The following SLC2A14 variants were observed in gnomAD, a reference collection of about 807,000 sequenced individuals.
SLC2A14 encodes the protein solute carrier family 2 member 14, also known as solute carrier family 2, facilitated glucose transporter member 14.
SLC2A14 carries 13 observed loss-of-function variants against 43.0 expected under a neutral mutation model. That is an observed-to-expected ratio of 0.30 (90% confidence interval 0.20 to 0.48). The LOEUF (loss-of-function observed/expected upper bound fraction) is 0.48, where lower values mean the gene tolerates loss of function less well. SLC2A14 is among the 20% of genes least tolerant of loss of function. The pLI, the probability that SLC2A14 is intolerant of heterozygous loss-of-function variation, is 0.99. For missense variants in SLC2A14, 428 were observed against 620.4 expected, an observed-to-expected ratio of 0.69 and a Z score of 3.29; for synonymous variants, 190 against 233.8, an observed-to-expected ratio of 0.81 and a Z score of 1.71.
At chr12:7,819,285 T>C (rs905494710) in intron 9 of SLC2A14, among the ~76,000 whole-genome samples, 197 bp downstream of exon 9, 2 of 152,180 alleles carry the variant, frequency 1.3e-5, no homozygotes, top group African/African-American at 4.8e-5. Flanking sequence ...AATAATGTTC[T>C]CTAAATGTAA....
rs761475312 is a variant in SLC2A14, at chr12:7,891,031, G to A, written c.97C>T (p.Leu33=). ...ACGCCCCCATTCTGACTCTTCTCCA[G>A]AGTGGAGGTCTGAGAAGAAAAAAAG... Residue 33 remains leucine, a synonymous_variant, in exon 1 of 10, where the codon CTG becomes TTG. Coordinates refer to the SLC2A14 transcript ENST00000539924. 41 of 1,535,112 alleles carry A rather than the reference G, an allele frequency of 2.7e-5. No homozygotes were observed. In the South Asian group the frequency reaches 4.0e-4, roughly 15 times the overall value.
intron 6 of SLC2A14, 101 bp downstream of exon 6, chr12:7,828,603 C>A (rs756384811): frequency 1.6e-6 from 2 of 1,243,436 alleles, no homozygotes; most frequent in Non-Finnish European, 2.3e-6. Context: ...TGGATTCTGA[C>A]GGGCAGGGAA....
intron 1 of SLC2A14, among the ~76,000 whole-genome samples, chr12:7,880,177 T>G (rs1442639235): frequency 1.3e-5 from 2 of 151,720 alleles, no homozygotes; most frequent in African/African-American, 4.8e-5. Flanking sequence ...GGAGCGTGCC[T>G]GTAATCCCAG....
chr12:7,858,859 T>C (rs1044191072), intron 2 of SLC2A14, among the ~76,000 whole-genome samples: 7 of 152,162 alleles, frequency 4.6e-5, no homozygotes, highest in Non-Finnish European at 8.8e-5. Context: ...CATGCTTTTG[T>C]TGTCATAGCT....
intron 2 of SLC2A14, among the ~76,000 whole-genome samples, chr12:7,865,603 C>G (rs1944865551): frequency 6.6e-6 from 1 of 151,962 alleles, no homozygotes; most frequent in South Asian, 2.1e-4. Flanking sequence ...TGTATGCATT[C>G]TGACTGCTCC....
At chr12:7,886,494 G>A (rs989820757) in intron 1 of SLC2A14, among the ~76,000 whole-genome samples, 2 of 151,790 alleles carry the variant, frequency 1.3e-5, no homozygotes, top group African/African-American at 4.8e-5. Flanking sequence ...GTGAAGTACT[G>A]CAGCTAGCTA....
intron 8 of SLC2A14, 140 bp downstream of exon 8, chr12:7,821,081 T>G (rs925442026): frequency 1.7e-6 from 1 of 584,310 alleles, no homozygotes; most frequent in African/African-American, 1.9e-5. Flanking sequence ...AGCAAGACTC[T>G]GTCTCAAAAA....
chr12:7,827,744 T>G (rs928500264), intron 6 of SLC2A14, 62 bp from the exon 7 acceptor site: 69 of 1,455,686 alleles, frequency 4.7e-5, no homozygotes, highest in Non-Finnish European at 6.1e-5. Flanking sequence ...TCATTCTTCC[T>G]GTAAGGCAGC....
intron 1 of SLC2A14, chr12:7,890,944 T>G (rs1161552811): frequency 2.7e-6 from 4 of 1,498,626 alleles, no homozygotes; most frequent in Non-Finnish European, 3.6e-6. Context: ...AAAGAAATCA[T>G]CCTCGACATG....
chr12:7,854,294 T>C (rs1240822488), intron 2 of SLC2A14, among the ~76,000 whole-genome samples: 1 of 152,070 alleles, frequency 6.6e-6, no homozygotes, highest in Non-Finnish European at 1.5e-5. Flanking sequence ...TCAGGATTTT[T>C]CTCTTTCCCA....
intron 9 of SLC2A14, 29 bp from the exon 10 acceptor site, chr12:7,818,063 A>C: frequency 2.5e-6 from 4 of 1,601,072 alleles, no homozygotes; most frequent in Non-Finnish European, 3.4e-6. Flanking sequence ...CAGAAGATTA[A>C]ATTTAAAGAC....
intron 7 of SLC2A14, among the ~76,000 whole-genome samples, chr12:7,826,884 TCTTTC>T (rs1565508006): frequency 4.3e-5 from 3 of 69,212 alleles, no homozygotes; most frequent in African/African-American, 7.4e-5. Context: ...TTTCTTTCTT[TCTTTC>T]TTTCTTTCTT....
intron 2 of SLC2A14, among the ~76,000 whole-genome samples, chr12:7,867,543 A>G (rs1296701493): frequency 6.6e-6 from 1 of 152,056 alleles, no homozygotes; most frequent in East Asian, 1.9e-4. Flanking sequence ...CTGCTTATGC[A>G]TAAGCAAAGA....
Position 7,831,732 on chromosome 12 carries a change from C to A in SLC2A14, c.144G>T (p.Thr48=). 1 of 1,614,172 alleles carries A rather than the reference C, an allele frequency of 6.2e-7. No homozygotes were observed. The highest frequency in any genetic ancestry group is 8.5e-7 in the Non-Finnish European group (1 of 1,180,044). ...IIKEFINKTL[T]DKANAPPSEV... is the part of the protein sequence containing the mutation. ...CAGAGGGAGGGGCATTTGCCTTGTC[C>A]GTCAAAGTTTTATTGATAAATTCCT... Residue 48 remains threonine, a synonymous_variant, in exon 4 of 11, where the codon ACG becomes ACT. Coordinates refer to ENST00000431042, the MANE Select transcript of SLC2A14 (RefSeq NM_001286234.2).
intron 2 of SLC2A14, among the ~76,000 whole-genome samples, chr12:7,834,361 T>C (rs1865269049): frequency 6.6e-6 from 1 of 151,920 alleles, no homozygotes; most frequent in Non-Finnish European, 1.5e-5. Flanking sequence ...TTTTAAAGGT[T>C]ACAATTGGAA....
chr12:7,851,993 A>G (rs1218887110), intron 2 of SLC2A14, among the ~76,000 whole-genome samples: 1 of 152,176 alleles, frequency 6.6e-6, no homozygotes, highest in Non-Finnish European at 1.5e-5. Flanking sequence ...TCTCTCACTA[A>G]TAAGTAGCTA....
chr12:7,866,116 CCAGGAGG>C (rs2121032958), intron 2 of SLC2A14, among the ~76,000 whole-genome samples: 1 of 151,180 alleles, frequency 6.6e-6, no homozygotes, highest in South Asian at 2.1e-4. Context: ...TCCCAGCTAC[CCAGGAGG>C]CTGTGGCAGG....
At position 7,880,971 on chromosome 12, in the gene SLC2A14, T is replaced by C. The variant is rs150493208; in HGVS notation, c.132+10025A>G. Reference sequence around the variant, plus strand: ...CCTGACCAACAAGGTGAAACTCGTCTCTACTAAAAATACAAAAAATTAACT... The same window carrying C: ...CCTGACCAACAAGGTGAAACTCGTCCCTACTAAAAATACAAAAAATTAACT... On this transcript the variant is annotated intron_variant, in intron 1 of 9. Transcript: ENST00000539924. Among the ~76,000 whole-genome samples the C allele has an allele frequency of 5.9e-3, 893 of 152,228 alleles. 22 individuals carry two copies. Among genetic ancestry groups the C allele is most frequent in the African/African-American group, 0.02 (851 of 41,538 alleles).
upstream of SLC2A14, chr12:7,873,507 G>A (rs1249560731): frequency 4.0e-6 from 1 of 249,670 alleles, no homozygotes; most frequent in Non-Finnish European, 6.4e-6. Context: ...GGGGCTTGGC[G>A]GTGCGCTCCT....
Sources: allele counts gnomAD v4.1 joint callset (sites outside exome capture counted in the v4.1 genomes callset), GRCh38; gene constraint gnomAD v4.1.1; transcripts MANE v1.5; gene names NCBI Gene and HGNC (gene_info 2026-07-23, HGNC 2026-07-21).